The following CDH2 variants were observed in gnomAD, a reference collection of about 807,000 sequenced individuals.
CDH2 encodes the protein cadherin 2, also known as cadherin-2.
A neutral mutation model predicts 92.0 loss-of-function variants in CDH2; 17 were observed. That is an observed-to-expected ratio of 0.18 (90% confidence interval 0.13 to 0.28). CDH2 has a LOEUF of 0.28. Ranked by LOEUF, CDH2 falls within the 10% of genes least tolerant of loss-of-function variation. The pLI, the probability that CDH2 is intolerant of heterozygous loss-of-function variation, is 1.00. For synonymous variants in CDH2, 419 were observed against 415.9 expected, an observed-to-expected ratio of 1.01 and a Z score of -0.09; for missense variants, 862 against 1,133.1, an observed-to-expected ratio of 0.76 and a Z score of 3.44.
intron 2 of CDH2, among the ~76,000 whole-genome samples, chr18:28,101,051 C>T (rs983584331): frequency 6.6e-6 from 1 of 152,200 alleles, no homozygotes; most frequent in East Asian, 1.9e-4. Flanking sequence ...GTTCTCAACA[C>T]ACACTTTCTT....
At chr18:27,956,228 T>TAAA (rs2011244122) in intron 15 of CDH2, among the ~76,000 whole-genome samples, 1 of 152,168 alleles carries the variant, frequency 6.6e-6, no homozygotes, top group Admixed American at 6.6e-5. Context: ...CGCCTGTGTT[T>TAAA]CTCTAGGTTT....
chr18:28,064,565 A>G (rs1009215195), intron 2 of CDH2, among the ~76,000 whole-genome samples: 5 of 151,992 alleles, frequency 3.3e-5, no homozygotes, highest in African/African-American at 9.7e-5. Flanking sequence ...AAAATAAAAT[A>G]GGTATAGAGA....
chr18:28,039,079 G>C (rs1408984973), intron 2 of CDH2, among the ~76,000 whole-genome samples: 1 of 152,134 alleles, frequency 6.6e-6, no homozygotes, highest in Non-Finnish European at 1.5e-5. Flanking sequence ...TGAACTTTAT[G>C]TGTCTTCCTT....
At chr18:28,059,616 G>T (rs12454980) in intron 2 of CDH2, among the ~76,000 whole-genome samples, 31,604 of 152,166 alleles carry the variant, frequency 0.21, 3,787 homozygotes, top group Non-Finnish European at 0.27. Flanking sequence ...CTCCGAACCT[G>T]TTCTGGTTCT....
At chr18:28,080,508 A>C (rs2014808624) in intron 2 of CDH2, among the ~76,000 whole-genome samples, 1 of 152,202 alleles carries the variant, frequency 6.6e-6, no homozygotes, top group South Asian at 2.1e-4. Context: ...AAATTAACAA[A>C]GCATAAGACA....
intron 2 of CDH2, among the ~76,000 whole-genome samples, chr18:28,121,452 T>G (rs942934309): frequency 1.3e-5 from 2 of 152,206 alleles, no homozygotes; most frequent in East Asian, 3.9e-4. Flanking sequence ...TACTGACTTC[T>G]CCCCTAACCT....
chr18:28,111,424 G>A (rs913835305), intron 2 of CDH2, among the ~76,000 whole-genome samples: 4 of 152,196 alleles, frequency 2.6e-5, no homozygotes, highest in East Asian at 1.9e-4. Flanking sequence ...ACATGTATTC[G>A]AGGTAAGAAT....
At chr18:28,071,023 T>C (rs2144167469) in intron 2 of CDH2, among the ~76,000 whole-genome samples, 1 of 152,274 alleles carries the variant, frequency 6.6e-6, no homozygotes, top group Non-Finnish European at 1.5e-5. Flanking sequence ...CGGTTCTGCC[T>C]GCATGGATCT....
At chr18:28,151,536 C>A (rs11564339) in intron 1 of CDH2, among the ~76,000 whole-genome samples, 69,636 of 151,644 alleles carry the variant, frequency 0.46, 17,740 homozygotes, top group Middle Eastern at 0.73. Context: ...TCTACCTACC[C>A]ATTAACACTG....
At position 28,155,731 on chromosome 18, in the gene CDH2, C is replaced by T. The variant is rs17536724; in HGVS notation, c.61-7947G>A. 4.2e-3 allele frequency among the ~76,000 whole-genome samples: 641 copies of T among 152,278 alleles called. 4 individuals carry two copies. Among genetic ancestry groups the T allele is most frequent in the African/African-American group, 0.015 (606 of 41,558 alleles). On this transcript the variant is annotated intron_variant, in intron 1 of 15. Coordinates refer to ENST00000269141, the MANE Select transcript of CDH2 (RefSeq NM_001792.5). ...ATGGTGATAGAGTAATGACACTGTTCGAGAACATTCAGCACGACTAATTTT... is the reference window on the plus strand; with the variant it reads ...ATGGTGATAGAGTAATGACACTGTTTGAGAACATTCAGCACGACTAATTTT...
At chr18:28,137,099 T>G (rs1302363726) in intron 2 of CDH2, among the ~76,000 whole-genome samples, 4 of 152,168 alleles carry the variant, frequency 2.6e-5, no homozygotes, top group South Asian at 2.1e-4. Context: ...GCAGTCAATT[T>G]AAAAGTTAGT....
chr18:28,150,413 T>C (rs1263820027), intron 1 of CDH2, among the ~76,000 whole-genome samples: 1 of 152,220 alleles, frequency 6.6e-6, no homozygotes, highest in Non-Finnish European at 1.5e-5. Flanking sequence ...TCCCAGTGGA[T>C]CTGCCCTAAG....
At chr18:28,027,768 T>G (rs2013593724) in intron 2 of CDH2, among the ~76,000 whole-genome samples, 1 of 152,074 alleles carries the variant, frequency 6.6e-6, no homozygotes, top group South Asian at 2.1e-4. Flanking sequence ...CTACGAAATA[T>G]TTCAATGAAA....
At chr18:28,148,600 A>G in intron 1 of CDH2, among the ~76,000 whole-genome samples, 1 of 152,202 alleles carries the variant, frequency 6.6e-6, no homozygotes, top group Non-Finnish European at 1.5e-5. Context: ...CATTAATTGT[A>G]GGAAACTCTA....
intron 14 of CDH2, among the ~76,000 whole-genome samples, chr18:27,966,254 T>G (rs1028204766): frequency 9.2e-5 from 14 of 152,182 alleles, no homozygotes; most frequent in African/African-American, 3.4e-4. Context: ...ATTAGAAGTC[T>G]AAATTACACA....
intron 2 of CDH2, among the ~76,000 whole-genome samples, chr18:28,065,230 T>C (rs531213713): frequency 3.2e-4 from 49 of 152,222 alleles, no homozygotes; most frequent in African/African-American, 1.2e-3. Context: ...TGTTGACATT[T>C]CATTGTTAAG....
At chr18:28,107,920 T>G (rs2015349522) in intron 2 of CDH2, among the ~76,000 whole-genome samples, 1 of 152,190 alleles carries the variant, frequency 6.6e-6, no homozygotes, top group Admixed American at 6.5e-5. Flanking sequence ...TTAAAAAACA[T>G]TCACAGTTTC....
chr18:28,151,509 C>T (rs1167885778), intron 1 of CDH2, among the ~76,000 whole-genome samples: 2 of 152,168 alleles, frequency 1.3e-5, no homozygotes, highest in Non-Finnish European at 2.9e-5. Context: ...TCTACAGCAA[C>T]ACATGAAAAA....
chr18:28,087,792 T>A (rs1173153055), intron 2 of CDH2, among the ~76,000 whole-genome samples: 2 of 144,184 alleles, frequency 1.4e-5, no homozygotes, highest in Non-Finnish European at 3.0e-5. Context: ...TGAATGAAAA[T>A]AAAAAACAAA....
Sources: gnomAD v4.1 joint callset for allele counts (sites outside exome capture counted in the v4.1 genomes callset) on GRCh38, gnomAD v4.1.1 for gene constraint, MANE v1.5 for transcripts, NCBI Gene and HGNC (gene_info 2026-07-23, HGNC 2026-07-21) for gene names.